Variants in NCAPG2 observed in about 807,000 individuals in gnomAD.
NCAPG2 encodes condensin-2 complex subunit G2.
Under a neutral mutation model 141.1 loss-of-function variants are expected in NCAPG2, and 53 were observed. The observed-to-expected ratio is 0.38, with a 90% confidence interval of 0.30 to 0.47. NCAPG2 has a LOEUF of 0.47. NCAPG2 is among the 20% of genes least tolerant of loss of function. The pLI is 0.99. For synonymous variants in NCAPG2, 499 were observed against 490.7 expected (o/e 1.02, Z -0.22); for missense variants, 1,087 against 1,389.0 (o/e 0.78, Z 3.46).
At chr7:158,689,445 A>C (rs1834990811) in intron 6 of NCAPG2, among the ~76,000 whole-genome samples, 1 of 152,228 alleles carries the variant, frequency 6.6e-6, no homozygotes, top group Non-Finnish European at 1.5e-5. Flanking sequence ...GGTAGAAAAA[A>C]GAAAGGGAGG....
chr7:158,662,102 C>T (rs2129460030), intron 16 of NCAPG2, 92 bp downstream of exon 16: 1 of 1,214,244 alleles, frequency 8.2e-7, no homozygotes, highest in East Asian at 2.7e-5. Flanking sequence ...GAACACAGAT[C>T]CAGGGAGGTA....
chr7:158,637,015 T>TC (rs200160271), intron 27 of NCAPG2, among the ~76,000 whole-genome samples: 3,440 of 151,872 alleles, frequency 0.023, 120 homozygotes, highest in African/African-American at 0.079. Context: ...TGGTGTGATC[T>TC]TGGCTCACTG....
intron 11 of NCAPG2, among the ~76,000 whole-genome samples, chr7:158,677,832 A>G (rs1047299070): frequency 6.6e-6 from 1 of 152,074 alleles, no homozygotes; most frequent in African/African-American, 2.4e-5. Flanking sequence ...CTTTTTTGAA[A>G]CAGGGTCTTG....
At chr7:158,638,198 G>A (rs772260446) in intron 27 of NCAPG2, among the ~76,000 whole-genome samples, 15 of 152,138 alleles carry the variant, frequency 9.9e-5, no homozygotes, top group East Asian at 3.8e-4. Context: ...GAATCACTGC[G>A]TGGTTTTGGT....
intron 9 of NCAPG2, among the ~76,000 whole-genome samples, chr7:158,681,061 T>C (rs544537077): frequency 4.6e-5 from 7 of 152,138 alleles, no homozygotes; most frequent in Non-Finnish European, 8.8e-5. Context: ...CCTTGGGCTA[T>C]AAAATGGTTT....
intron 27 of NCAPG2, among the ~76,000 whole-genome samples, chr7:158,635,433 T>A (rs1322046562): frequency 6.6e-6 from 1 of 152,186 alleles, no homozygotes; most frequent in Non-Finnish European, 1.5e-5. Context: ...GAGGCACAAT[T>A]AATATTGGCA....
chr7:158,654,659 T>C lies in NCAPG2; in HGVS notation c.2682A>G (p.Val894=), dbSNP rs767143148. Residue 894 remains valine (V), a synonymous_variant, in exon 22 of 28, where the codon GTA becomes GTG. Coordinates refer to ENST00000356309, the MANE Select transcript of NCAPG2 (RefSeq NM_017760.7). ...TCTGAAACTGATGGTCACCAAGGCC[T>C]ACCATAACAACATCTTTACACACAG... ...YLTVCKDVVM[V]GLGDHQFQMQ... 1.1e-5 allele frequency: 18 copies of C among 1,614,004 alleles called. No individual in the cohort carries two copies. Among genetic ancestry groups the C allele is most frequent in the Non-Finnish European group, 1.4e-5 (16 of 1,180,000 alleles).
rs190199849 is a variant in NCAPG2 at position 158,658,445 on chromosome 7, G to T, written c.1990-37C>A. 6.5e-6 allele frequency: 10 copies of T among 1,533,842 alleles called. No homozygotes were observed. In the Admixed American group the frequency reaches 1.9e-4, roughly 30 times the overall value. ...AAAAGAAAAACAAAACAAAGCATAT[G>T]TAAGCACTATAAATTCTGAAAGTCT... On this transcript the variant is annotated intron_variant, in intron 16 of 27. Coordinates refer to ENST00000356309, the MANE Select transcript of NCAPG2 (RefSeq NM_017760.7).
In NCAPG2 at chr7:158,646,024, C is replaced by T. The variant is rs138399404; in HGVS notation, c.3180-405G>A. On this transcript the variant is annotated intron_variant, in intron 25 of 27. Coordinates refer to ENST00000356309, the MANE Select transcript of NCAPG2 (RefSeq NM_017760.7). ...TTCCCTCTGTAACCTGTCAGCCCTG[C>T]ATGCACCACAGCAAACCCTGTAATT... 1.4e-4 allele frequency among the ~76,000 whole-genome samples: 21 copies of T among 152,338 alleles called. 1 individual carries two copies. The highest frequency in any genetic ancestry group is 4.6e-4 in the African/African-American group (19 of 41,578).
intron 2 of NCAPG2, among the ~76,000 whole-genome samples, chr7:158,699,828 T>G (rs955146289): frequency 6.6e-6 from 1 of 152,202 alleles, no homozygotes; most frequent in Non-Finnish European, 1.5e-5. Context: ...ACATATAAAA[T>G]TATGCTACTG....
chr7:158,687,826 T>C (rs1433665200), intron 6 of NCAPG2, among the ~76,000 whole-genome samples: 1 of 152,214 alleles, frequency 6.6e-6, no homozygotes, highest in Admixed American at 6.5e-5. Flanking sequence ...TGGAGTTGAA[T>C]ATCCCAGTTC....
intron 27 of NCAPG2, among the ~76,000 whole-genome samples, chr7:158,632,851 A>G (rs920363122): frequency 1.3e-5 from 2 of 152,228 alleles, no homozygotes; most frequent in African/African-American, 4.8e-5. Context: ...CTTGTAATCA[A>G]TATAAAATTA....
chr7:158,694,024 A>G (rs1254343349), intron 2 of NCAPG2, among the ~76,000 whole-genome samples: 1 of 152,232 alleles, frequency 6.6e-6, no homozygotes, highest in Non-Finnish European at 1.5e-5. Flanking sequence ...ATAGAATCCA[A>G]TTAAAGGGAC....
chr7:158,662,562 A>AACTG (rs1368857935), intron 15 of NCAPG2, among the ~76,000 whole-genome samples, 195 bp from the exon 16 acceptor site: 3 of 152,240 alleles, frequency 2.0e-5, no homozygotes, highest in Admixed American at 6.5e-5. Flanking sequence ...ATAAATTCCA[A>AACTG]ACTGACTCTA....
rs765751369 is a variant in NCAPG2, at chr7:158,689,771, T to C, written c.672+48A>G. Reference sequence around the variant, plus strand: ...ACCATGTGAACACAGGAGAAACATCTATTAAGAAGCAGCTCACAAACAGAT... The same window carrying C: ...ACCATGTGAACACAGGAGAAACATCCATTAAGAAGCAGCTCACAAACAGAT... On this transcript the variant is annotated intron_variant, in intron 6 of 27. Transcript: ENST00000356309. 2.7e-6 allele frequency: 4 copies of C among 1,471,654 alleles called. No individual in the cohort carries two copies. In the South Asian group the frequency reaches 5.7e-5, roughly 21 times the overall value. The allele number at this position is 1,471,654 out of a possible 1,614,324, so 91.2% of individuals were successfully genotyped here. A position where few individuals can be genotyped will look rare whatever the true frequency, so the allele number is the denominator to read the frequency against.
At chr7:158,647,941 TC>T (rs1831151793) in intron 24 of NCAPG2, among the ~76,000 whole-genome samples, 1 of 152,170 alleles carries the variant, frequency 6.6e-6, no homozygotes, top group African/African-American at 2.4e-5. Flanking sequence ...TGCCTAGGCC[TC>T]CCAAAGTGTT....
chr7:158,671,625 C>T lies in NCAPG2; in HGVS notation c.1368G>A (p.Leu456=). 6.2e-7 allele frequency: 1 copy of T among 1,614,198 alleles called. No individual in the cohort carries two copies. The highest frequency in any genetic ancestry group is 8.5e-7 in the Non-Finnish European group (1 of 1,180,034). The change falls in exon 13 of 28, where the codon TTG becomes TTA. Residue 456 remains leucine, a synonymous_variant. Coordinates refer to ENST00000356309, the MANE Select transcript of NCAPG2 (RefSeq NM_017760.7). ...TGAGAGCTGGAAGGAGCTGCTCTAA[C>T]AATGGGTGGCTCAGTTTGTTGTCCA... is the stretch of plus-strand genomic sequence containing the variant. The part of the protein sequence containing the change: ...MILDNKLSHP[L]LEQLLPALRY...
chr7:158,692,645 G>A (rs1055110926), intron 4 of NCAPG2, among the ~76,000 whole-genome samples, 197 bp downstream of exon 4: 1 of 152,216 alleles, frequency 6.6e-6, no homozygotes, highest in African/African-American at 2.4e-5. Context: ...GGAGGCTGAG[G>A]CAAGAGAATC....
chr7:158,682,300 A>C (rs1834497758), intron 9 of NCAPG2, among the ~76,000 whole-genome samples: 3 of 151,458 alleles, frequency 2.0e-5, no homozygotes, highest in Admixed American at 6.6e-5. Context: ...TGAAATAAAT[A>C]ACCCAAACTG....
Sources: gnomAD v4.1 joint callset for allele counts (sites outside exome capture counted in the v4.1 genomes callset) on GRCh38, gnomAD v4.1.1 for gene constraint, MANE v1.5 for transcripts, NCBI Gene and HGNC (gene_info 2026-07-23, HGNC 2026-07-21) for gene names.